The following RUFY1 variants were observed in gnomAD, a reference collection of about 807,000 sequenced individuals.
The protein encoded by RUFY1 is RUN and FYVE domain containing 1, also known as RUN and FYVE domain-containing protein 1.
RUFY1 carries 54 observed loss-of-function variants against 94.6 expected under a neutral mutation model. The ratio of observed to expected loss-of-function variants is 0.57; its 90% confidence interval spans 0.46 to 0.72. The LOEUF (loss-of-function observed/expected upper bound fraction) is 0.72, where lower values mean the gene tolerates loss of function less well. Ranked by LOEUF, RUFY1 falls within the 30% of genes least tolerant of loss-of-function variation. The pLI is 0.00. For missense variants in RUFY1, 883 were observed against 883.9 expected, an observed-to-expected ratio of 1.00 and a Z score of 0.01; for synonymous variants, 396 against 347.3, an observed-to-expected ratio of 1.14 and a Z score of -1.56.
intron 1 of RUFY1, 100 bp downstream of exon 1, chr5:179,550,979 C>T (rs1478937526): frequency 5.3e-6 from 5 of 939,642 alleles, no homozygotes; most frequent in Admixed American, 1.2e-4. Flanking sequence ...ACTGGCCGTT[C>T]CGGGAGGTTA....
At chr5:179,583,592 A>AT (rs1464232986) in intron 7 of RUFY1, among the ~76,000 whole-genome samples, 1 of 148,816 alleles carries the variant, frequency 6.7e-6, no homozygotes, top group African/African-American at 2.5e-5. Flanking sequence ...AATTTTTTGT[A>AT]TTTTTAGTAG....
chr5:179,551,043 G>C (rs1023333689), intron 1 of RUFY1, among the ~76,000 whole-genome samples, 164 bp downstream of exon 1: 6 of 151,828 alleles, frequency 4.0e-5, no homozygotes, highest in Middle Eastern at 3.2e-3. Context: ...CTTTACTCCG[G>C]CGGCCCAGCC....
chr5:179,553,128 C>T (rs749082183), intron 1 of RUFY1, among the ~76,000 whole-genome samples: 36 of 152,230 alleles, frequency 2.4e-4, no homozygotes, highest in Non-Finnish European at 5.0e-4. Flanking sequence ...CTGGCCCACT[C>T]GAGCTGCCCT....
rs766902963 is a variant in RUFY1, at chr5:179,609,446, A to G, written c.2054A>G (p.Tyr685Cys). 3.7e-6 allele frequency: 6 copies of G among 1,611,094 alleles called. No homozygotes were observed. The East Asian group carries it at 8.9e-5, about 24-fold the overall frequency. ...AGCAACGAGCTGGCCCTGCCCTCCTACCCCAAGCCGGTGCGAGTGTGCGAC... is the reference window on the plus strand; with the variant it reads ...AGCAACGAGCTGGCCCTGCCCTCCTGCCCCAAGCCGGTGCGAGTGTGCGAC... ...CSSNELALPS[Y>C]PKPVRVCDSC... Residue 685 changes from tyrosine to cysteine, a missense_variant, in exon 18 of 18, where the codon TAC (tyrosine) becomes TGC (cysteine). By Grantham distance (194) the Tyr-to-Cys change is radical. Transcript: ENST00000319449.
intron 7 of RUFY1, among the ~76,000 whole-genome samples, chr5:179,583,440 G>A (rs898110340): frequency 6.9e-6 from 1 of 144,102 alleles, no homozygotes; most frequent in African/African-American, 2.5e-5. Flanking sequence ...ATTTTAAGAC[G>A]GAGTTTTGCT....
At chr5:179,600,250 C>T (rs1387282876) in intron 14 of RUFY1, among the ~76,000 whole-genome samples, 3 of 152,198 alleles carry the variant, frequency 2.0e-5, no homozygotes, top group Non-Finnish European at 2.9e-5. Flanking sequence ...AGAGCCACCC[C>T]GCCACTCGGG....
intron 9 of RUFY1, among the ~76,000 whole-genome samples, 171 bp from the exon 10 acceptor site, chr5:179,591,454 G>A (rs1046307960): frequency 2.0e-5 from 3 of 152,192 alleles, no homozygotes; most frequent in South Asian, 4.1e-4. Flanking sequence ...AAAGTGCTGG[G>A]ATTACAGGCG....
At chr5:179,552,402 G>T (rs977673699) in intron 1 of RUFY1, among the ~76,000 whole-genome samples, 3 of 152,148 alleles carry the variant, frequency 2.0e-5, no homozygotes, top group Admixed American at 2.0e-4. Context: ...CTTTGCTGTA[G>T]ATGCACTGAC....
intron 12 of RUFY1, chr5:179,596,284 T>C (rs181737417): frequency 2.0e-6 from 1 of 499,698 alleles, no homozygotes; most frequent in Admixed American, 3.4e-5. Context: ...GTCTCAAGGT[T>C]ATATAATGTA....
At chr5:179,572,621 C>T in intron 5 of RUFY1, 1 of 213,666 alleles carries the variant, frequency 4.7e-6, no homozygotes, top group Non-Finnish European at 9.9e-6. Flanking sequence ...GGCTCTGCAG[C>T]TGGTCCAGGC....
intron 3 of RUFY1, 83 bp downstream of exon 3, chr5:179,562,747 GC>G: frequency 1.3e-6 from 1 of 780,980 alleles, no homozygotes; most frequent in Middle Eastern, 2.5e-4. Flanking sequence ...TGCTGATGAA[GC>G]CCTTTCTAAT....
In RUFY1 at chr5:179,571,160, T is replaced by C. The variant is rs145472711; in HGVS notation, c.828+1735T>C. Among the ~76,000 whole-genome samples, 25 of 152,250 alleles carry C rather than the reference T, an allele frequency of 1.6e-4. No homozygotes were observed. The East Asian group carries it at 4.8e-3, about 29-fold the overall frequency. Reference sequence around the variant, plus strand: ...TAGTATTTCATTTTTTAACGTACAATTATGTAACCAGTACCTTATTAATTT... The same window carrying C: ...TAGTATTTCATTTTTTAACGTACAACTATGTAACCAGTACCTTATTAATTT... On this transcript the variant is annotated intron_variant, in intron 5 of 17. Coordinates refer to ENST00000319449, the MANE Select transcript of RUFY1 (RefSeq NM_025158.5).
intron 17 of RUFY1, chr5:179,608,757 C>A (rs888297027): frequency 7.5e-6 from 3 of 402,460 alleles, no homozygotes; most frequent in African/African-American, 6.5e-5. Context: ...GAAACCCCAT[C>A]ATCTCTACTA....
At chr5:179,602,397 C>T (rs556554026) in intron 15 of RUFY1, 230 of 164,480 alleles carry the variant, frequency 1.4e-3, no homozygotes, top group South Asian at 0.012. Context: ...CAGCACAGCC[C>T]CCTTCCTTTC....
At chr5:179,550,927 T>C (rs1458396536) in intron 1 of RUFY1, 48 bp downstream of exon 1, 4 of 1,043,264 alleles carry the variant, frequency 3.8e-6, no homozygotes, top group Admixed American at 5.5e-5. Context: ...GTGTCCCCGC[T>C]GGCCGCCGGC....
intron 9 of RUFY1, among the ~76,000 whole-genome samples, chr5:179,591,424 T>TC (rs1765092738): frequency 6.7e-6 from 1 of 148,362 alleles, no homozygotes; most frequent in African/African-American, 2.5e-5. Flanking sequence ...GACCTCGTGA[T>TC]CCGCCCGCCT....
At chr5:179,582,352 A>G (rs1764229515) in intron 7 of RUFY1, among the ~76,000 whole-genome samples, 1 of 151,978 alleles carries the variant, frequency 6.6e-6, no homozygotes, top group African/African-American at 2.4e-5. Context: ...CAGCCTCCCA[A>G]GTAGCAGGAA....
At chr5:179,606,077 C>T (rs1767052401) in intron 16 of RUFY1, 153 bp downstream of exon 16, 1 of 620,242 alleles carries the variant, frequency 1.6e-6, no homozygotes, top group Non-Finnish European at 2.8e-6. Context: ...TGCTCAGAAA[C>T]GTGTCCCTCG....
intron 16 of RUFY1, chr5:179,607,275 C>T (rs1767198058): frequency 9.9e-6 from 4 of 405,060 alleles, no homozygotes; most frequent in South Asian, 5.5e-5. Context: ...CTTACTTCAG[C>T]CAAAGGGAAC....
Sources: gnomAD v4.1 joint callset for allele counts (sites outside exome capture counted in the v4.1 genomes callset) on GRCh38, gnomAD v4.1.1 for gene constraint, MANE v1.5 for transcripts, NCBI Gene and HGNC (gene_info 2026-07-23, HGNC 2026-07-21) for gene names.